Variants in PCDHGA8 observed in about 807,000 individuals in gnomAD.
The protein encoded by PCDHGA8 is protocadherin gamma subfamily A, 8.
A neutral mutation model predicts 59.2 loss-of-function variants in PCDHGA8; 45 were observed. That is an observed-to-expected ratio of 0.76 (90% CI 0.60 to 0.98). The LOEUF is 0.98. Ranked by LOEUF, PCDHGA8 falls within the 50% of genes least tolerant of loss-of-function variation. The pLI is 0.00. For missense variants in PCDHGA8, 1,257 were observed against 1,196.2 expected (o/e 1.05, Z -0.75); for synonymous variants, 531 against 519.0 (o/e 1.02, Z -0.32).
At chr5:141,406,531 C>T (rs1303471087) in intron 1 of PCDHGA8, among the ~76,000 whole-genome samples, 1 of 152,102 alleles carries the variant, frequency 6.6e-6, no homozygotes, top group African/African-American at 2.4e-5. Flanking sequence ...TATTTTCTGA[C>T]GAAGATTCAA....
chr5:141,405,359 G>A, intron 1 of PCDHGA8: 2 of 1,614,018 alleles, frequency 1.2e-6, no homozygotes, highest in Non-Finnish European at 1.7e-6. Context: ...TCCTATAGAA[G>A]ACACCCCTTT....
chr5:141,446,173 G>A (rs2098491860), intron 1 of PCDHGA8, among the ~76,000 whole-genome samples: 1 of 152,076 alleles, frequency 6.6e-6, no homozygotes, highest in East Asian at 1.9e-4. Context: ...TGAGGGCAGG[G>A]GGTGTTTTGT....
At chr5:141,428,255 G>C in intron 1 of PCDHGA8, 1 of 875,580 alleles carries the variant, frequency 1.1e-6, no homozygotes, top group Non-Finnish European at 1.8e-6. Flanking sequence ...CCAGACTTCA[G>C]TGACAGTCCT....
rs764056952 is a variant in PCDHGA8 at position 141,405,326 on chromosome 5, T to G, written c.2424+10089T>G. On this transcript the variant is annotated intron_variant, in intron 1 of 3. Transcript: ENST00000398604. ...GAGCTGTGAGAAAAATGAGCCTTTG[T>G]GCGTCTCTGTTGATTCCAAGTTTCC... The G allele has an allele frequency of 2.5e-6, 4 of 1,614,220 alleles. No individual in the cohort carries two copies. Among genetic ancestry groups the G allele is most frequent in the Admixed American group, 3.3e-5 (2 of 60,026 alleles).
At chr5:141,434,427 G>A (rs2097693282) in intron 1 of PCDHGA8, among the ~76,000 whole-genome samples, 1 of 152,216 alleles carries the variant, frequency 6.6e-6, no homozygotes, top group African/African-American at 2.4e-5. Context: ...GTTCATGATG[G>A]CCGTAATGCC....
At position 141,392,919 on chromosome 5, in the gene PCDHGA8, C is replaced by T. The variant is rs1220575114; in HGVS notation, c.106C>T (p.Pro36Ser). Residue 36 changes from proline to serine, a missense_variant, in exon 1 of 4, where the codon CCA becomes TCA. Physicochemically the swap from Pro to Ser is moderately conservative, Grantham distance 74 (BLOSUM62 -1). Coordinates refer to ENST00000398604, the MANE Select transcript of PCDHGA8 (RefSeq NM_032088.2). The stretch of plus-strand genomic sequence containing the variant: ...GAGGGGACAGATTCGCTACTCTGTG[C>T]CAGAAGAGACGGACAAAGGCTCCTT... Reference protein sequence around the residue: ...IGRGQIRYSVPEETDKGSFVG... With the variant: ...IGRGQIRYSVSEETDKGSFVG... 5.0e-6 allele frequency: 8 copies of T among 1,613,762 alleles called. No individual in the cohort carries two copies. The African/African-American group carries it at 1.1e-4, about 22-fold the overall frequency.
At chr5:141,461,817 C>A (rs2099023873) in intron 1 of PCDHGA8, among the ~76,000 whole-genome samples, 1 of 150,844 alleles carries the variant, frequency 6.6e-6, no homozygotes, top group South Asian at 2.1e-4. Flanking sequence ...CCACACCCAG[C>A]TAATTTTTTT....
chr5:141,420,826 C>G (rs1246534925), intron 1 of PCDHGA8, among the ~76,000 whole-genome samples: 1 of 152,216 alleles, frequency 6.6e-6, no homozygotes, highest in Non-Finnish European at 1.5e-5. Flanking sequence ...AATAATTACT[C>G]CTTTCGCAGG....
At chr5:141,427,361 A>C in intron 1 of PCDHGA8, 1 of 457,772 alleles carries the variant, frequency 2.2e-6, no homozygotes, top group Non-Finnish European at 4.4e-6. Flanking sequence ...AGGACGCAGA[A>C]CCCTGGACGG....
rs767547572 is a variant in PCDHGA8 at position 141,505,495 on chromosome 5, G to C, written c.2572+14G>C. On this transcript the variant is annotated intron_variant, in intron 3 of 3. Coordinates refer to ENST00000398604, the MANE Select transcript of PCDHGA8 (RefSeq NM_032088.2). The stretch of plus-strand genomic sequence containing the variant: ...CGTCCGCCAGTGGTAAGTGGTGTCA[G>C]TGTGTGTATGGAAGAGTGGGAGACC... 5 of 1,614,210 alleles carry C rather than the reference G, an allele frequency of 3.1e-6. No individual in the cohort carries two copies. Among genetic ancestry groups the C allele is most frequent in the Non-Finnish European group, 4.2e-6 (5 of 1,180,000 alleles).
At chr5:141,419,093 C>T (rs1191453038) in intron 1 of PCDHGA8, 4 of 1,613,916 alleles carry the variant, frequency 2.5e-6, no homozygotes, top group South Asian at 1.1e-5. Flanking sequence ...GGCCCTGGAT[C>T]GGGAGCAGAC....
chr5:141,444,897 G>T (rs1445334623), intron 1 of PCDHGA8, among the ~76,000 whole-genome samples: 1 of 152,274 alleles, frequency 6.6e-6, no homozygotes, highest in African/African-American at 2.4e-5. Flanking sequence ...GAATGGGATG[G>T]CATTGCATCT....
intron 1 of PCDHGA8, 166 bp downstream of exon 1, chr5:141,395,403 A>G: frequency 2.4e-6 from 2 of 849,494 alleles, no homozygotes; most frequent in East Asian, 2.8e-5. Flanking sequence ...TCTAATAGTC[A>G]TAGGTTATTG....
At chr5:141,404,861 G>A in intron 1 of PCDHGA8, 1 of 1,613,848 alleles carries the variant, frequency 6.2e-7, no homozygotes, top group Non-Finnish European at 8.5e-7. Context: ...AGATAGAGAT[G>A]CGCTCAAACA....
chr5:141,450,776 C>G (rs757791026), intron 1 of PCDHGA8, among the ~76,000 whole-genome samples: 1 of 151,440 alleles, frequency 6.6e-6, no homozygotes, highest in Non-Finnish European at 1.5e-5. Flanking sequence ...CATGAGCCAC[C>G]GTGCCCGGAC....
At chr5:141,510,272 TAA>T (rs546154379) in intron 3 of PCDHGA8, among the ~76,000 whole-genome samples, 46 of 130,286 alleles carry the variant, frequency 3.5e-4, no homozygotes, top group South Asian at 5.0e-4. Context: ...GACTCCATCT[TAA>T]AAAAAAAAAA....
At chr5:141,408,578 G>A (rs775312574) in intron 1 of PCDHGA8, 3 of 1,613,928 alleles carry the variant, frequency 1.9e-6, no homozygotes, top group African/African-American at 1.3e-5. Flanking sequence ...GATTGAGGAT[G>A]TTAATGACCA....
At chr5:141,465,812 T>A (rs533291720) in intron 1 of PCDHGA8, among the ~76,000 whole-genome samples, 1 of 152,082 alleles carries the variant, frequency 6.6e-6, no homozygotes, top group South Asian at 2.1e-4. Flanking sequence ...TTCAGGATCT[T>A]GATCACATTT....
intron 1 of PCDHGA8, among the ~76,000 whole-genome samples, chr5:141,464,901 G>A (rs1562002452): frequency 6.6e-6 from 1 of 151,916 alleles, no homozygotes; most frequent in Non-Finnish European, 1.5e-5. Context: ...ACCATGTCCA[G>A]CTAATTTTTT....
Sources: allele counts gnomAD v4.1 joint callset (sites outside exome capture counted in the v4.1 genomes callset), GRCh38; gene constraint gnomAD v4.1.1; transcripts MANE v1.5; gene names NCBI Gene and HGNC (gene_info 2026-07-23, HGNC 2026-07-21).